SPATA17: variants seen among roughly 807,000 people sequenced by gnomAD.
The protein encoded by SPATA17 is spermatogenesis-associated protein 17.
Under a neutral mutation model 62.2 loss-of-function variants are expected in SPATA17, and 53 were observed. That is an observed-to-expected ratio of 0.85 (90% CI 0.68 to 1.07). SPATA17 has a LOEUF of 1.07. Ranked by LOEUF, SPATA17 falls within the 50% of genes least tolerant of loss-of-function variation. SPATA17 has a pLI of 0.00. For missense variants in SPATA17, 466 were observed against 425.5 expected (o/e 1.10, Z -0.84); for synonymous variants, 146 against 146.8 (o/e 0.99, Z 0.04).
intron 6 of SPATA17, among the ~76,000 whole-genome samples, chr1:217,752,034 G>A (rs1672924667): frequency 1.3e-5 from 2 of 152,128 alleles, no homozygotes; most frequent in Non-Finnish European, 2.9e-5. Flanking sequence ...AAGAGGATAA[G>A]TTCATTATTC....
intron 7 of SPATA17, among the ~76,000 whole-genome samples, chr1:217,775,874 T>A (rs1240265345): frequency 1.3e-5 from 2 of 152,110 alleles, no homozygotes; most frequent in Non-Finnish European, 2.9e-5. Context: ...TGGCATTAAA[T>A]CTTGTTATAT....
rs1056115995 is a variant in SPATA17, at chr1:217,869,556, A to G, written c.*2537A>G. 2.0e-5 allele frequency: 3 copies of G among 152,148 alleles called. No homozygotes were observed. The highest frequency in any genetic ancestry group is 4.4e-5 in the Non-Finnish European group (3 of 68,040). 9.4% of individuals were successfully genotyped at this position (152,148 alleles called of 1,614,324 possible). A position where few individuals can be genotyped will look rare whatever the true frequency, so the allele number is the denominator to read the frequency against. ...CCATTGCAAAATATGTCAAAAATAT[A>G]TATTTTAGGGTAAAATGCCTCAATT... is the stretch of plus-strand genomic sequence containing the variant. On this transcript the variant is annotated 3_prime_UTR_variant, in exon 11 of 11. Coordinates refer to ENST00000366933, the MANE Select transcript of SPATA17 (RefSeq NM_138796.4).
intron 9 of SPATA17, among the ~76,000 whole-genome samples, chr1:217,861,677 A>T (rs1179793727): frequency 6.6e-6 from 1 of 152,156 alleles, no homozygotes; most frequent in Non-Finnish European, 1.5e-5. Flanking sequence ...TCATTATGTA[A>T]AATTTTATTG....
chr1:217,690,531 C>A (rs1232525424), intron 5 of SPATA17, among the ~76,000 whole-genome samples: 1 of 134,922 alleles, frequency 7.4e-6, no homozygotes, highest in Non-Finnish European at 1.6e-5. Flanking sequence ...GGTACATGTG[C>A]ACATTGTGCA....
intron 1 of SPATA17, among the ~76,000 whole-genome samples, chr1:217,646,368 G>A (rs1558549980): frequency 6.6e-6 from 1 of 152,124 alleles, no homozygotes; most frequent in Non-Finnish European, 1.5e-5. Flanking sequence ...GGTATAGTCT[G>A]AAATTTTGGG....
At chr1:217,717,901 A>C (rs944626186) in intron 5 of SPATA17, among the ~76,000 whole-genome samples, 16 of 145,372 alleles carry the variant, frequency 1.1e-4, no homozygotes, top group Admixed American at 1.0e-3. Flanking sequence ...TGTCCGTTTA[A>C]TAAGAGTCCT....
At chr1:217,817,286 C>A (rs1289635244) in intron 9 of SPATA17, among the ~76,000 whole-genome samples, 2 of 151,986 alleles carry the variant, frequency 1.3e-5, no homozygotes, top group African/African-American at 4.8e-5. Flanking sequence ...GTGGGAGAGA[C>A]CTACTGGAGG....
chr1:217,798,389 T>C (rs942443594), intron 8 of SPATA17, among the ~76,000 whole-genome samples: 4 of 152,254 alleles, frequency 2.6e-5, no homozygotes, highest in African/African-American at 9.6e-5. Flanking sequence ...ATTTTATACC[T>C]ACTTTGAGAA....
intron 9 of SPATA17, among the ~76,000 whole-genome samples, chr1:217,816,235 C>A (rs956567990): frequency 1.3e-5 from 2 of 151,826 alleles, no homozygotes; most frequent in Non-Finnish European, 2.9e-5. Context: ...TTTTAATTGA[C>A]CTTAAGAAGA....
intron 1 of SPATA17, among the ~76,000 whole-genome samples, chr1:217,640,529 C>A (rs746749284): frequency 6.6e-6 from 1 of 151,882 alleles, no homozygotes; most frequent in Non-Finnish European, 1.5e-5. Context: ...TTTCTATTGG[C>A]CTCATAAAAA....
intron 8 of SPATA17, among the ~76,000 whole-genome samples, chr1:217,782,555 AG>A (rs1673755451): frequency 6.6e-6 from 1 of 152,130 alleles, no homozygotes; most frequent in Non-Finnish European, 1.5e-5. Context: ...CGGCATTTTG[AG>A]GATAAATGAT....
rs763211922 is a variant in SPATA17 at position 217,636,131 on chromosome 1, C to CAGAA, written c.68+4686_68+4687insGAAA. ...CTGGCGACAGAATGAGACTCCGTCT[C>CAGAA]AAAAAAAAAAAAAAAAAAAGGGTGT... On this transcript the variant is annotated intron_variant, in intron 1 of 10. Transcript: ENST00000366933. Among the ~76,000 whole-genome samples the CAGAA allele has an allele frequency of 2.3e-4, 23 of 101,638 alleles. No homozygotes were observed. In the East Asian group the frequency reaches 5.8e-3, roughly 26 times the overall value. The allele number at this position is 101,638 out of a possible 152,430, so 66.7% of individuals were successfully genotyped here. A position where few individuals can be genotyped will look rare whatever the true frequency, so the allele number is the denominator to read the frequency against.
At chr1:217,801,364 G>C (rs914031600) in intron 8 of SPATA17, among the ~76,000 whole-genome samples, 1 of 152,074 alleles carries the variant, frequency 6.6e-6, no homozygotes, top group African/African-American at 2.4e-5. Flanking sequence ...TTTTGATTTA[G>C]GGATACTATT....
chr1:217,675,007 C>G (rs371499815), intron 4 of SPATA17, among the ~76,000 whole-genome samples: 1 of 152,186 alleles, frequency 6.6e-6, no homozygotes, highest in East Asian at 1.9e-4. Context: ...GAAGTTCTCA[C>G]TCTGGGTCAC....
At chr1:217,668,901 G>GATTTC in intron 3 of SPATA17, 132 bp from the exon 4 acceptor site, 1 of 794,434 alleles carries the variant, frequency 1.3e-6, no homozygotes, top group South Asian at 1.7e-5. Context: ...TACAACATTT[G>GATTTC]ATTTCATTTT....
intron 3 of SPATA17, among the ~76,000 whole-genome samples, chr1:217,668,043 T>C (rs574694043): frequency 3.3e-5 from 5 of 152,254 alleles, no homozygotes; most frequent in Non-Finnish European, 7.3e-5. Flanking sequence ...TTTCTGTTTG[T>C]CATGGGGCAG....
Position 217,631,383 on chromosome 1 carries a change from C to A in SPATA17, c.5C>A (p.Ala2Asp). The A allele has an allele frequency of 1.2e-6, 2 of 1,614,124 alleles. No homozygotes were observed. The highest frequency in any genetic ancestry group is 8.5e-7 in the Non-Finnish European group (1 of 1,180,020). Residue 2 changes from alanine (A) to aspartate (D), a missense_variant, in exon 1 of 11, where the codon GCC (alanine) becomes GAC (aspartate). Physicochemically the swap from Ala to Asp is moderately radical, Grantham distance 126. Coordinates refer to ENST00000366933, the MANE Select transcript of SPATA17 (RefSeq NM_138796.4). M[A>D]TLARLQARSS... is the part of the protein sequence containing the mutation. ...TAAACCCAAGGCCAAGAGACCATGGCCACGTTAGCCCGGCTGCAAGCTAGG... is the reference window on the plus strand; with the variant it reads ...TAAACCCAAGGCCAAGAGACCATGGACACGTTAGCCCGGCTGCAAGCTAGG...
chr1:217,831,012 T>C (rs1675127395), intron 9 of SPATA17, among the ~76,000 whole-genome samples: 1 of 152,156 alleles, frequency 6.6e-6, no homozygotes. Context: ...CCTTACTTTC[T>C]TATTAAATCT....
rs1571851817 is a variant in SPATA17, at chr1:217,868,434, A to G, written c.*1415A>G. The G allele has an allele frequency of 2.6e-5, 4 of 152,268 alleles. No homozygotes were observed. In the South Asian group the frequency reaches 8.3e-4, roughly 32 times the overall value. 9.4% of individuals were successfully genotyped at this position (152,268 alleles called of 1,614,324 possible). On this transcript the variant is annotated 3_prime_UTR_variant, in exon 11 of 11. Transcript: ENST00000366933. ...AGTTAAAAATGCATTTAATACAGCTAACTTACCAGACAGCTTAGCTTAGCC... is the reference window on the plus strand; with the variant it reads ...AGTTAAAAATGCATTTAATACAGCTGACTTACCAGACAGCTTAGCTTAGCC...
Sources: allele counts gnomAD v4.1 joint callset (sites outside exome capture counted in the v4.1 genomes callset), GRCh38; gene constraint gnomAD v4.1.1; transcripts MANE v1.5; gene names NCBI Gene and HGNC (gene_info 2026-07-23, HGNC 2026-07-21).